Variants in MUC4 observed in about 807,000 individuals in gnomAD.
MUC4 encodes the protein mucin 4, cell surface associated.
A neutral mutation model predicts 257.9 loss-of-function variants in MUC4; 202 were observed. The ratio of observed to expected loss-of-function variants is 0.78; its 90% CI spans 0.70 to 0.88. MUC4 has a LOEUF of 0.88. Among genes scored for constraint, MUC4 ranks in the 40% least tolerant of loss-of-function variants. MUC4 has a pLI of 0.00. For missense variants in MUC4, 5,976 were observed against 6,513.7 expected (o/e 0.92, Z 2.84); for synonymous variants, 2,351 against 2,757.1 (o/e 0.85, Z 4.62).
At chr3:195,770,000 T>C (rs905096566) in intron 6 of MUC4, among the ~76,000 whole-genome samples, 4 of 147,424 alleles carry the variant, frequency 2.7e-5, no homozygotes, top group African/African-American at 1.0e-4. Flanking sequence ...GCTGGGCTGC[T>C]GTGAGGTCAA....
intron 19 of MUC4, 190 bp from the exon 20 acceptor site, chr3:195,753,420 C>G (rs1716881315): frequency 1.7e-6 from 1 of 588,072 alleles, no homozygotes; most frequent in Middle Eastern, 4.3e-4. Context: ...CCCGGCCAGA[C>G]AGGTATTCTT....
At chr3:195,798,294 A>G (rs1194098593) in intron 1 of MUC4, among the ~76,000 whole-genome samples, 4 of 152,240 alleles carry the variant, frequency 2.6e-5, no homozygotes, top group Non-Finnish European at 5.9e-5. Context: ...AAATATGCCA[A>G]AGAAAACACA....
At chr3:195,761,339 G>C in intron 15 of MUC4, 145 bp downstream of exon 15, 1 of 770,316 alleles carries the variant, frequency 1.3e-6, no homozygotes, top group Admixed American at 2.5e-5. Flanking sequence ...TGGGCTGGTG[G>C]TGGTGGGGAC....
In MUC4 at chr3:195,757,314, G is replaced by T; in HGVS notation, c.15001C>A (p.Leu5001Met). The change falls in exon 18 of 25, where the codon CTG (leucine) becomes ATG (methionine). Residue 5001 changes from leucine to methionine, a missense_variant. Physicochemically the swap from Leu to Met is conservative, Grantham distance 15. Coordinates refer to ENST00000463781, the MANE Select transcript of MUC4 (RefSeq NM_018406.7). The surrounding 1 kb of genome is among the most constrained non-coding windows in gnomAD (Gnocchi z 4.8). ...DLELFENGTL[L>M]WTPKSLEPFT... ...GGCTCCAGCGACTTGGGTGTCCACA[G>T]CAACGTCCCATTCTCTGCCCCGGGG... 6.2e-7 allele frequency: 1 copy of T among 1,602,138 alleles called. No homozygotes were observed. Among genetic ancestry groups the T allele is most frequent in the South Asian group, 1.1e-5 (1 of 90,698 alleles).
Position 195,789,521 on chromosome 3 carries a change from G to A in MUC4, c.2059C>T (p.Pro687Ser), listed in dbSNP as rs1263902050. 1 of 1,613,964 alleles carries A rather than the reference G, an allele frequency of 6.2e-7. No homozygotes were observed. The highest frequency in any genetic ancestry group is 8.5e-7 in the Non-Finnish European group (1 of 1,179,876). ...SPSEIVPQDA[P>S]TISAATTFAP... is the part of the protein sequence containing the mutation. ...AAGGTTGTTGCTGCACTTATGGTGG[G>A]TGCGTCCTGAGGAACAATTTCTGAG... The change falls in exon 2 of 25, where the codon CCC becomes TCC. Residue 687 changes from proline to serine, a missense_variant. Pro to Ser is a moderately conservative substitution (Grantham distance 74, BLOSUM62 -1). This residue lies in a region of MUC4 where 1,583 missense variants were observed against 1,257.4 expected (regional missense o/e 1.26). Coordinates refer to ENST00000463781, the MANE Select transcript of MUC4 (RefSeq NM_018406.7).
At position 195,811,145 on chromosome 3, in the gene MUC4, A is replaced by ATTTATT. The variant is rs1438017914; in HGVS notation, c.82+590_82+591insAATAAA. Among the ~76,000 whole-genome samples, 79 of 136,752 alleles carry ATTTATT rather than the reference A, an allele frequency of 5.8e-4. 1 individual carries two copies. Among genetic ancestry groups the ATTTATT allele is most frequent in the Middle Eastern group, 3.8e-3 (1 of 262 alleles). The allele number at this position is 136,752 out of a possible 152,430, so 89.7% of individuals were successfully genotyped here. A position where few individuals can be genotyped will look rare whatever the true frequency, so the allele number is the denominator to read the frequency against. ...CTCTTCTTATTTTTTATTTTATTTT[A>ATTTATT]TATTTATTTATTTATTTATTTATTT... On this transcript the variant is annotated intron_variant, in intron 1 of 24. Coordinates refer to ENST00000463781, the MANE Select transcript of MUC4 (RefSeq NM_018406.7).
intron 1 of MUC4, among the ~76,000 whole-genome samples, chr3:195,807,973 C>A (rs1452677180): frequency 6.6e-6 from 1 of 152,234 alleles, no homozygotes; most frequent in East Asian, 1.9e-4. Context: ...AGCGGTGAGG[C>A]AGAGCTGTCC....
At position 195,786,215 on chromosome 3, in the gene MUC4, CAT is replaced by C; in HGVS notation, c.5363_5364del (p.Asp1788GlyfsTer33). On this transcript the variant is annotated frameshift_variant, in exon 2 of 25. Transcript: ENST00000463781. LOFTEE classifies it high-confidence loss of function. The part of the protein sequence containing the change: ...PVTGLSSAST[D>X]DTTRLPVTDV... ...TCGGTGACAGGAAGACGGGTGGTGTCATCTGTGGAAGCTGAAGAAAGGCCGGT... is the reference window on the plus strand; with the variant it reads ...TCGGTGACAGGAAGACGGGTGGTGTCCTGTGGAAGCTGAAGAAAGGCCGGT... The C allele has an allele frequency of 6.8e-7, 1 of 1,479,192 alleles. No homozygotes were observed. The highest frequency in any genetic ancestry group is 9.1e-7 in the Non-Finnish European group (1 of 1,102,430). The allele number at this position is 1,479,192 out of a possible 1,614,324, so 91.6% of individuals were successfully genotyped here. A position where few individuals can be genotyped will look rare whatever the true frequency, so the allele number is the denominator to read the frequency against.
In MUC4 at chr3:195,788,515, G is replaced by T. The variant is rs1217755943; in HGVS notation, c.3065C>A (p.Thr1022Asn). The T allele has an allele frequency of 1.3e-6, 2 of 1,489,742 alleles. No individual in the cohort carries two copies. Among genetic ancestry groups the T allele is most frequent in the South Asian group, 2.4e-5 (2 of 81,652 alleles). The allele number at this position is 1,489,742 out of a possible 1,614,324, so 92.3% of individuals were successfully genotyped here. The change falls in exon 2 of 25, where the codon ACC becomes AAC. Residue 1022 changes from threonine (T) to asparagine (N), a missense_variant. Physicochemically the swap from Thr to Asn is moderately conservative, Grantham distance 65. Around this residue, in one of 44 missense-constraint regions of MUC4, gnomAD observed 1,583 missense variants for 1,257.4 expected, o/e 1.26. Transcript: ENST00000463781. ...AGTGTCGGTGACAGGAAGAGGGGTG[G>T]TGTGACCTGTGGATACTGAGGAAGG... ...TSPSSVSTGH[T>N]TPLPVTDTSS...
In MUC4 at chr3:195,810,443, C is replaced by T. The variant is rs570456756; in HGVS notation, c.82+1293G>A. 3 of 153,188 alleles carry T rather than the reference C, an allele frequency of 2.0e-5. No individual in the cohort carries two copies. The highest frequency in any genetic ancestry group is 7.2e-5 in the African/African-American group (3 of 41,608). The allele number at this position is 153,188 out of a possible 1,614,324, so 9.5% of individuals were successfully genotyped here. A position where few individuals can be genotyped will look rare whatever the true frequency, so the allele number is the denominator to read the frequency against. Reference sequence around the variant, plus strand: ...CACAGAATAAAACTTGGTCCTGAAGCCAGAGGGACAGCCTGGAAAGTGTGG... The same window carrying T: ...CACAGAATAAAACTTGGTCCTGAAGTCAGAGGGACAGCCTGGAAAGTGTGG... On this transcript the variant is annotated intron_variant, in intron 1 of 24. Transcript: ENST00000463781. The surrounding 1 kb of genome is among the most constrained non-coding windows in gnomAD (Gnocchi z 4.2).
chr3:195,778,725 T>C (rs1235175917), intron 2 of MUC4, 65 bp downstream of exon 2: 35 of 1,484,864 alleles, frequency 2.4e-5, no homozygotes, highest in Non-Finnish European at 3.2e-5. Context: ...TCTCAGGTAC[T>C]CCTTAGGCTG....
At chr3:195,750,787 A>G (rs1716234049) in intron 23 of MUC4, 102 bp downstream of exon 23, 4 of 1,158,760 alleles carry the variant, frequency 3.5e-6, no homozygotes, top group Admixed American at 4.4e-5. Flanking sequence ...AAAACCAAAC[A>G]AACAGAAAAA....
intron 11 of MUC4, 47 bp from the exon 12 acceptor site, chr3:195,763,688 A>G (rs1719741868): frequency 1.0e-5 from 15 of 1,438,376 alleles, no homozygotes; most frequent in Non-Finnish European, 1.0e-5. Context: ...AATCATGTGT[A>G]GGGCTGAGGT....
At chr3:195,800,931 G>C (rs912545323) in intron 1 of MUC4, among the ~76,000 whole-genome samples, 1 of 150,782 alleles carries the variant, frequency 6.6e-6, no homozygotes, top group African/African-American at 2.4e-5. Context: ...AAAAGGCAGA[G>C]GGTGCATCAG....
chr3:195,748,757 C>T, intron 24 of MUC4, 145 bp downstream of exon 24: 1 of 1,099,080 alleles, frequency 9.1e-7, no homozygotes, highest in Non-Finnish European at 1.2e-6. Flanking sequence ...ACAGAGCAGG[C>T]ACTCACAACT....
At position 195,800,264 on chromosome 3, in the gene MUC4, C is replaced by A. The variant is rs370875196; in HGVS notation, c.83-8767G>T. On this transcript the variant is annotated intron_variant, in intron 1 of 24. Transcript: ENST00000463781. The stretch of plus-strand genomic sequence containing the variant: ...CTGCACTCCAGCCTGGGCGACAGAG[C>A]GGGACTCCATCTCAAAAAAAAAAAA... 6.3e-4 allele frequency among the ~76,000 whole-genome samples: 95 copies of A among 151,138 alleles called. 2 individuals carry two copies. In the South Asian group the frequency reaches 0.017, roughly 28 times the overall value.
In MUC4 at chr3:195,763,298, C is replaced by T. The variant is rs1352637970; in HGVS notation, c.14253+135G>A. ...CCCAGGATTTACTCCGGGACAGCTG[C>T]GTGGATGGGCTGTGTCCTCCCTCCC... On this transcript the variant is annotated intron_variant, in intron 12 of 24. Transcript: ENST00000463781. The T allele has an allele frequency of 4.5e-6, 4 of 890,030 alleles. No individual in the cohort carries two copies. The African/African-American group carries it at 5.2e-5, about 12-fold the overall frequency. The allele number at this position is 890,030 out of a possible 1,614,324, so 55.1% of individuals were successfully genotyped here. A position where few individuals can be genotyped will look rare whatever the true frequency, so the allele number is the denominator to read the frequency against.
chr3:195,804,002 G>A (rs1210321982), intron 1 of MUC4, among the ~76,000 whole-genome samples: 1 of 152,198 alleles, frequency 6.6e-6, no homozygotes, highest in Non-Finnish European at 1.5e-5. Context: ...GAGTGAGTGT[G>A]AAGGCTGTTG....
In MUC4 at chr3:195,790,820, T is replaced by C. The variant is rs1733767625; in HGVS notation, c.760A>G (p.Thr254Ala). 1 of 1,613,786 alleles carries C rather than the reference T, an allele frequency of 6.2e-7. No homozygotes were observed. Among genetic ancestry groups the C allele is most frequent in the South Asian group, 1.1e-5 (1 of 91,078 alleles). Residue 254 changes from threonine to alanine, a missense_variant, in exon 2 of 25, where the codon ACA (threonine) becomes GCA (alanine). Thr to Ala is a moderately conservative substitution (Grantham distance 58). This residue lies in a region of MUC4 where 1,583 missense variants were observed against 1,257.4 expected (regional missense o/e 1.26). Coordinates refer to ENST00000463781, the MANE Select transcript of MUC4 (RefSeq NM_018406.7). The stretch of plus-strand genomic sequence containing the variant: ...TCTGATGTCATCATGGATGTGTTTG[T>C]GACACTACAGAGGGATGAGGTAGCT... ...ETATSSLCSV[T>A]NTSMMTSEKI...
Sources: allele counts gnomAD v4.1 joint callset (sites outside exome capture counted in the v4.1 genomes callset), GRCh38; gene constraint gnomAD v4.1.1; regional missense constraint gnomAD v4.1.1; non-coding constraint Gnocchi (gnomAD v3.1); transcripts MANE v1.5; gene names NCBI Gene and HGNC (gene_info 2026-07-23, HGNC 2026-07-21).